ARHGEF3: variants seen among roughly 807,000 people sequenced by gnomAD.
ARHGEF3 encodes the protein 59.8 kDA protein.
ARHGEF3 carries 28 observed loss-of-function variants against 63.2 expected under a neutral mutation model. The observed-to-expected ratio is 0.44, with a 90% CI of 0.33 to 0.61. ARHGEF3 has a LOEUF of 0.61. Among genes scored for constraint, ARHGEF3 ranks in the 20% least tolerant of loss-of-function variants. The pLI, the probability that ARHGEF3 is intolerant of heterozygous loss-of-function variation, is 0.03. For missense variants in ARHGEF3, 533 were observed against 659.3 expected (o/e 0.81, Z 2.10); for synonymous variants, 266 against 254.2 (o/e 1.05, Z -0.44).
Position 56,933,393 on chromosome 3 carries a change from TC to T in ARHGEF3, c.129+25429del, listed in dbSNP as rs1475087205. ...CTATAAAATGGAAAAATGTTTCTTTTCTTTTTTTTTTTTTTTTACTTTTTTT... is the reference window on the plus strand; with the variant it reads ...CTATAAAATGGAAAAATGTTTCTTTTTTTTTTTTTTTTTTTTACTTTTTTT... On this transcript the variant is annotated intron_variant, in intron 3 of 12. Transcript: ENST00000338458. 1.6e-4 allele frequency among the ~76,000 whole-genome samples: 24 copies of T among 148,936 alleles called. No homozygotes were observed. In the East Asian group the frequency reaches 4.4e-3, roughly 28 times the overall value.
intron 1 of ARHGEF3, among the ~76,000 whole-genome samples, chr3:57,055,835 C>T (rs1704905483): frequency 6.6e-6 from 1 of 152,196 alleles, no homozygotes; most frequent in South Asian, 2.1e-4. Context: ...AATTTTAGGA[C>T]ACAAACTTCC....
intron 1 of ARHGEF3, among the ~76,000 whole-genome samples, chr3:57,069,794 G>A (rs1433799843): frequency 6.6e-6 from 1 of 152,038 alleles, no homozygotes; most frequent in Non-Finnish European, 1.5e-5. Context: ...ACAGACATGT[G>A]CCGTCACACC....
chr3:56,821,964 AGAAGAGAAGAGAAGAGAAGAGAAG>A (rs1350557222), intron 4 of ARHGEF3, among the ~76,000 whole-genome samples: 1 of 9,970 alleles, frequency 1.0e-4, no homozygotes, highest in Non-Finnish European at 2.5e-4. Context: ...CTCTGTCTCG[AGAAGAGAAGAGAAGAGAAGAGAAG>A]AGAAGAGAAG....
chr3:56,920,569 C>T (rs1464790655), intron 3 of ARHGEF3, among the ~76,000 whole-genome samples: 3 of 152,170 alleles, frequency 2.0e-5, no homozygotes, highest in Non-Finnish European at 4.4e-5. Flanking sequence ...AGTTGGCAAG[C>T]AACGATGATT....
At chr3:56,966,095 AT>A (rs1344424678) in intron 2 of ARHGEF3, among the ~76,000 whole-genome samples, 6 of 152,342 alleles carry the variant, frequency 3.9e-5, no homozygotes, top group African/African-American at 1.4e-4. Flanking sequence ...ATACTACTCT[AT>A]TGTTTATAGT....
intron 2 of ARHGEF3, among the ~76,000 whole-genome samples, chr3:57,017,238 GGA>G (rs1227374135): frequency 1.3e-5 from 2 of 152,126 alleles, no homozygotes; most frequent in African/African-American, 4.8e-5. Context: ...AATTCCATCA[GGA>G]GAGAGTCAGC....
chr3:56,811,324 G>C (rs1026683662), intron 4 of ARHGEF3, among the ~76,000 whole-genome samples: 5 of 152,058 alleles, frequency 3.3e-5, no homozygotes, highest in African/African-American at 1.2e-4. Flanking sequence ...AATGGGAGGA[G>C]GGCACTTGGC....
In ARHGEF3 at chr3:56,878,119, A is replaced by T. The variant is rs374731535; in HGVS notation, c.192+4173T>A. On this transcript the variant is annotated intron_variant, in intron 4 of 12. Transcript: ENST00000338458. ...TTTCCACCCAGAGCTCATTTGTTTT[A>T]TAAGAAAGAATGTCTGGTGCTGAGC... 9.2e-5 allele frequency among the ~76,000 whole-genome samples: 14 copies of T among 152,310 alleles called. No homozygotes were observed. The South Asian group carries it at 2.1e-3, about 23-fold the overall frequency.
At chr3:57,068,639 C>G (rs1470722002) in intron 1 of ARHGEF3, among the ~76,000 whole-genome samples, 1 of 152,208 alleles carries the variant, frequency 6.6e-6, no homozygotes, top group African/African-American at 2.4e-5. Flanking sequence ...TGGAGAGAAA[C>G]AGTCCTCCCC....
At chr3:56,982,945 C>G (rs759258057) in intron 2 of ARHGEF3, among the ~76,000 whole-genome samples, 2 of 152,062 alleles carry the variant, frequency 1.3e-5, no homozygotes, top group Non-Finnish European at 2.9e-5. Flanking sequence ...GGGTAGGGAG[C>G]CCTTTGGGTT....
chr3:56,920,599 C>A lies in ARHGEF3; in HGVS notation c.129+38224G>T, dbSNP rs574189713. On this transcript the variant is annotated intron_variant, in intron 3 of 12. Coordinates refer to the ARHGEF3 transcript ENST00000338458. Reference sequence around the variant, plus strand: ...ATGATTCTTTCCATTTGAACTTTATCCTGGTTCCTTAATGTCTTTCTTATT... The same window carrying A: ...ATGATTCTTTCCATTTGAACTTTATACTGGTTCCTTAATGTCTTTCTTATT... Among the ~76,000 whole-genome samples, 25 of 152,300 alleles carry A rather than the reference C, an allele frequency of 1.6e-4. No homozygotes were observed. The South Asian group carries it at 2.9e-3, about 18-fold the overall frequency.
chr3:56,758,228 C>G (rs934726543), intron 2 of ARHGEF3, among the ~76,000 whole-genome samples: 1 of 151,026 alleles, frequency 6.6e-6, no homozygotes, highest in Non-Finnish European at 1.5e-5. Flanking sequence ...TTGTAGTAAG[C>G]TGAGATTGCG....
intron 4 of ARHGEF3, among the ~76,000 whole-genome samples, chr3:56,843,745 T>G (rs2039392211): frequency 6.6e-6 from 1 of 152,244 alleles, no homozygotes; most frequent in South Asian, 2.1e-4. Flanking sequence ...CTTTGGCTTT[T>G]CTATAATACT....
chr3:57,040,613 T>A (rs1000056588), intron 1 of ARHGEF3, among the ~76,000 whole-genome samples: 10 of 151,978 alleles, frequency 6.6e-5, no homozygotes, highest in African/African-American at 2.4e-4. Context: ...GCTGGCAAAG[T>A]TCTGTTTCTT....
At chr3:57,010,859 T>C (rs1579081608) in intron 2 of ARHGEF3, among the ~76,000 whole-genome samples, 1 of 152,162 alleles carries the variant, frequency 6.6e-6, no homozygotes, top group Non-Finnish European at 1.5e-5. Flanking sequence ...CCCTTGTTCA[T>C]CGTCTGCTCA....
At chr3:56,965,800 C>T (rs762935515) in intron 2 of ARHGEF3, among the ~76,000 whole-genome samples, 7 of 152,048 alleles carry the variant, frequency 4.6e-5, no homozygotes, top group Middle Eastern at 3.4e-3. Context: ...TGGCACCTGC[C>T]ACCACGCTTG....
intron 2 of ARHGEF3, among the ~76,000 whole-genome samples, chr3:56,771,111 C>T (rs1401703560): frequency 6.8e-6 from 1 of 147,320 alleles, no homozygotes; most frequent in Non-Finnish European, 1.5e-5. Context: ...GAAACTCCAT[C>T]TCAAAAAAAA....
rs548964540 is a variant in ARHGEF3 at position 56,888,966 on chromosome 3, A to C, written c.130-6612T>G. On this transcript the variant is annotated intron_variant, in intron 3 of 12. Coordinates refer to the ARHGEF3 transcript ENST00000338458. The stretch of plus-strand genomic sequence containing the variant: ...CCAGGGGGTCCCTTTGCTAATTTGC[A>C]ATAGAGCAAAGTCCTGTGCATATTC... 3.9e-5 allele frequency among the ~76,000 whole-genome samples: 6 copies of C among 152,248 alleles called. No individual in the cohort carries two copies. The South Asian group carries it at 1.2e-3, about 32-fold the overall frequency.
chr3:56,952,059 G>C (rs1699837379), intron 3 of ARHGEF3, among the ~76,000 whole-genome samples: 1 of 151,944 alleles, frequency 6.6e-6, no homozygotes. Flanking sequence ...TCAGAACCTA[G>C]TAATGTCATG....
Sources: gnomAD v4.1 joint callset for allele counts (sites outside exome capture counted in the v4.1 genomes callset) on GRCh38, gnomAD v4.1.1 for gene constraint, MANE v1.5 for transcripts, NCBI Gene and HGNC (gene_info 2026-07-23, HGNC 2026-07-21) for gene names.